The following GALNT5 variants were observed in gnomAD, a reference collection of about 807,000 sequenced individuals.
GALNT5 encodes the protein UDP-GalNAc:polypeptide N-acetylgalactosaminyltransferase 5.
A neutral mutation model predicts 85.4 loss-of-function variants in GALNT5; 72 were observed. The ratio of observed to expected loss-of-function variants is 0.84; its 90% CI spans 0.70 to 1.03. The LOEUF (loss-of-function observed/expected upper bound fraction) is 1.03. Ranked by LOEUF, GALNT5 falls within the 50% of genes least tolerant of loss-of-function variation. The pLI, the probability that GALNT5 is intolerant of heterozygous loss-of-function variation, is 0.00. For missense variants in GALNT5, 1,137 were observed against 1,135.5 expected (o/e 1.00, Z -0.02); for synonymous variants, 404 against 397.0 (o/e 1.02, Z -0.21).
At chr2:157,282,003 G>T (rs1682865181) in intron 1 of GALNT5, among the ~76,000 whole-genome samples, 1 of 152,190 alleles carries the variant, frequency 6.6e-6, no homozygotes, top group African/African-American at 2.4e-5. Flanking sequence ...GGTGGCCAAA[G>T]TAAACTGATA....
rs1444193409 is a variant in GALNT5, at chr2:157,314,793, T to G, written c.*3445T>G. Among the ~76,000 whole-genome samples, 2 of 152,212 alleles carry G rather than the reference T, an allele frequency of 1.3e-5. No homozygotes were observed. Among genetic ancestry groups the G allele is most frequent in the East Asian group, 3.9e-4 (2 of 5,174 alleles). On this transcript the variant is annotated 3_prime_UTR_variant, in exon 10 of 10. Coordinates refer to ENST00000259056, the MANE Select transcript of GALNT5 (RefSeq NM_014568.3). Reference sequence around the variant, plus strand: ...ATATTCAGAATACAAGAAAAAAAATTTACCAACCAGGCGCAGTGGCTCACA... The same window carrying G: ...ATATTCAGAATACAAGAAAAAAAATGTACCAACCAGGCGCAGTGGCTCACA...
chr2:157,270,857 T>G (rs1292918123), intron 1 of GALNT5, among the ~76,000 whole-genome samples: 1 of 152,220 alleles, frequency 6.6e-6, no homozygotes, highest in Non-Finnish European at 1.5e-5. Flanking sequence ...GGCTCACGCC[T>G]GTAAACCCAG....
chr2:157,310,262 A>G (rs535791644), intron 9 of GALNT5, among the ~76,000 whole-genome samples: 1 of 152,268 alleles, frequency 6.6e-6, no homozygotes, highest in Admixed American at 6.5e-5. Flanking sequence ...ATGTTACCAA[A>G]TGTCCTGGAG....
At chr2:157,276,424 G>A (rs185589358) in intron 1 of GALNT5, among the ~76,000 whole-genome samples, 30 of 152,252 alleles carry the variant, frequency 2.0e-4, no homozygotes, top group African/African-American at 6.7e-4. Context: ...TGTACCTCTG[G>A]TAGAATTCGG....
At chr2:157,305,098 T>C (rs3817290) in intron 7 of GALNT5, among the ~76,000 whole-genome samples, 3,538 of 152,260 alleles carry the variant, frequency 0.023, 163 homozygotes, top group East Asian at 0.18. Flanking sequence ...GAAATCAACA[T>C]TTTTCTGCAT....
At chr2:157,279,652 C>T (rs1357165272) in intron 1 of GALNT5, among the ~76,000 whole-genome samples, 1 of 152,220 alleles carries the variant, frequency 6.6e-6, no homozygotes, top group Non-Finnish European at 1.5e-5. Flanking sequence ...TCTGGGTCTG[C>T]CAGTTGCTGA....
At chr2:157,299,277 A>G (rs1683287115) in intron 5 of GALNT5, 1 of 289,510 alleles carries the variant, frequency 3.5e-6, no homozygotes, top group African/African-American at 2.1e-5. Context: ...AAGTGTTAAA[A>G]ATAACATTCC....
At chr2:157,300,649 T>C (rs373976182) in intron 6 of GALNT5, 27 bp from the exon 7 acceptor site, 2 of 1,534,080 alleles carry the variant, frequency 1.3e-6, no homozygotes, top group African/African-American at 2.7e-5. Flanking sequence ...CATTTGATAA[T>C]TGATGCTTAT....
intron 1 of GALNT5, among the ~76,000 whole-genome samples, chr2:157,265,110 T>C (rs1465930399): frequency 6.6e-6 from 1 of 152,194 alleles, no homozygotes; most frequent in African/African-American, 2.4e-5. Flanking sequence ...ATAGTGTGTA[T>C]GTGTTCATTT....
chr2:157,257,895 A>C lies in GALNT5; in HGVS notation c.-188A>C. 1 of 627,984 alleles carries C rather than the reference A, an allele frequency of 1.6e-6. No individual in the cohort carries two copies. Among genetic ancestry groups the C allele is most frequent in the Non-Finnish European group, 2.8e-6 (1 of 358,556 alleles). The allele number at this position is 627,984 out of a possible 1,614,324, so 38.9% of individuals were successfully genotyped here. ...GATGCTCTGCTATGAAATGCCACGC[A>C]GGCAGAGACTGACAAGCGGTAGGAA... is the stretch of plus-strand genomic sequence containing the variant. On this transcript the variant is annotated 5_prime_UTR_variant, in exon 1 of 10. Transcript: ENST00000259056.
rs1341047438 is a variant in GALNT5 at position 157,258,651 on chromosome 2, G to A, written c.569G>A (p.Arg190His). Residue 190 changes from arginine to histidine, a missense_variant, in exon 1 of 10, where the codon CGT becomes CAT. Transcript: ENST00000259056. ...QVVKISVHMG[R>H]VSLKQEPRKS... ...GTCAAAATATCAGTACACATGGGACGTGTCAGTTTAAAACAGGAGCCCCGG... is the reference window on the plus strand; with the variant it reads ...GTCAAAATATCAGTACACATGGGACATGTCAGTTTAAAACAGGAGCCCCGG... 2 of 1,613,740 alleles carry A rather than the reference G, an allele frequency of 1.2e-6. No homozygotes were observed. Among genetic ancestry groups the A allele is most frequent in the Non-Finnish European group, 1.7e-6 (2 of 1,179,924 alleles).
intron 9 of GALNT5, among the ~76,000 whole-genome samples, chr2:157,310,968 C>A (rs1176591093): frequency 6.6e-6 from 1 of 152,082 alleles, no homozygotes; most frequent in Non-Finnish European, 1.5e-5. Context: ...AGAAATTTTT[C>A]TTTTGCCTCC....
chr2:157,270,626 A>T (rs1682562413), intron 1 of GALNT5, among the ~76,000 whole-genome samples: 2 of 152,182 alleles, frequency 1.3e-5, no homozygotes, highest in Non-Finnish European at 2.9e-5. Context: ...ATCTCCATCC[A>T]TTCATTCATG....
chr2:157,284,453 G>T lies in GALNT5; in HGVS notation c.1621+5G>T. On this transcript the variant is annotated splice_donor_5th_base_variant and intron_variant, in intron 2 of 9. Transcript: ENST00000259056. ...TAGATGACTTCAGCACCAAAGGTAA[G>T]AAAACCACTCAGGCTATCTCTTGAA... is the stretch of plus-strand genomic sequence containing the variant. 6.2e-7 allele frequency: 1 copy of T among 1,612,618 alleles called. No individual in the cohort carries two copies. The highest frequency in any genetic ancestry group is 8.5e-7 in the Non-Finnish European group (1 of 1,179,020).
At position 157,295,734 on chromosome 2, in the gene GALNT5, GTTTA is replaced by G. The variant is rs756318763; in HGVS notation, c.1818_1821del (p.Tyr606Ter). The G allele has an allele frequency of 5.8e-5, 94 of 1,610,126 alleles. No homozygotes were observed. The highest frequency in any genetic ancestry group is 7.5e-5 in the Non-Finnish European group (88 of 1,176,608). On this transcript the variant is annotated frameshift_variant, in exon 4 of 10. Coordinates refer to ENST00000259056, the MANE Select transcript of GALNT5 (RefSeq NM_014568.3). LOFTEE classifies it high-confidence loss of function. ...TTGGTTGGAACCTCTTCTGGAAAGA[GTTTA>G]TTTAAGTAGAAAGAAAGTGGCCTGT...
At chr2:157,276,976 T>C (rs1477071489) in intron 1 of GALNT5, among the ~76,000 whole-genome samples, 2 of 152,244 alleles carry the variant, frequency 1.3e-5, no homozygotes, top group Non-Finnish European at 2.9e-5. Context: ...TAAATTTCCC[T>C]CTACACACTG....
intron 1 of GALNT5, among the ~76,000 whole-genome samples, chr2:157,264,834 G>T (rs1306029204): frequency 6.6e-6 from 1 of 151,858 alleles, no homozygotes; most frequent in Non-Finnish European, 1.5e-5. Context: ...AGTTTATCAG[G>T]CTGAGAGAAA....
chr2:157,307,949 C>T (rs774063179), intron 8 of GALNT5, among the ~76,000 whole-genome samples: 1 of 152,170 alleles, frequency 6.6e-6, no homozygotes, highest in Non-Finnish European at 1.5e-5. Flanking sequence ...GGCAATTTCT[C>T]CAAGAGCAGT....
rs55861093 is a variant in GALNT5 at position 157,290,087 on chromosome 2, G to GTATA, written c.1741+3976_1741+3979dup. 3.8e-4 allele frequency among the ~76,000 whole-genome samples: 50 copies of GTATA among 131,658 alleles called. 3 individuals are homozygous for GTATA. The highest frequency in any genetic ancestry group is 1.0e-3 in the African/African-American group (31 of 30,014). 86.4% of individuals were successfully genotyped at this position (131,658 alleles called of 152,430 possible). On this transcript the variant is annotated intron_variant, in intron 3 of 9. Coordinates refer to ENST00000259056, the MANE Select transcript of GALNT5 (RefSeq NM_014568.3). ...AAATTCTGTCTCAAAAAAAAAAAATGTATATATATATATATATATATATAT... is the reference window on the plus strand; with the variant it reads ...AAATTCTGTCTCAAAAAAAAAAAATGTATATATATATATATATATATATATATAT...
Sources: gnomAD v4.1 joint callset for allele counts (sites outside exome capture counted in the v4.1 genomes callset) on GRCh38, gnomAD v4.1.1 for gene constraint, MANE v1.5 for transcripts, NCBI Gene and HGNC (gene_info 2026-07-23, HGNC 2026-07-21) for gene names.